DOCK4: variants seen among roughly 807,000 people sequenced by gnomAD.
DOCK4 encodes dedicator of cytokinesis 4.
In DOCK4, 97 loss-of-function variants were observed where a neutral mutation model predicts 268.1. The ratio of observed to expected loss-of-function variants is 0.36; its 90% CI spans 0.31 to 0.43. DOCK4 has a LOEUF of 0.43. Among genes scored for constraint, DOCK4 ranks in the 20% least tolerant of loss-of-function variants. The pLI, the probability that DOCK4 is intolerant of heterozygous loss-of-function variation, is 1.00. For missense variants in DOCK4, 2,145 were observed against 2,455.7 expected (o/e 0.87, Z 2.67); for synonymous variants, 954 against 887.2 (o/e 1.08, Z -1.34).
intron 8 of DOCK4, among the ~76,000 whole-genome samples, chr7:111,975,321 C>T (rs1798082874): frequency 6.6e-6 from 1 of 152,226 alleles, no homozygotes; most frequent in East Asian, 1.9e-4. Flanking sequence ...AAAAGAATAA[C>T]TTCAGTTCTT....
intron 8 of DOCK4, among the ~76,000 whole-genome samples, chr7:111,960,363 TAA>T (rs554540895): frequency 3.0e-5 from 4 of 132,478 alleles, no homozygotes; most frequent in Admixed American, 7.7e-5. Flanking sequence ...GGCTCTGTCT[TAA>T]AAAAAAAAAA....
intron 6 of DOCK4, among the ~76,000 whole-genome samples, chr7:111,984,619 G>C (rs1798906173): frequency 6.6e-6 from 1 of 152,206 alleles, no homozygotes; most frequent in Non-Finnish European, 1.5e-5. Context: ...AGGAGGGATG[G>C]GTTGGCACTC....
chr7:112,101,881 T>C (rs2729564), intron 1 of DOCK4, among the ~76,000 whole-genome samples: 13,444 of 151,256 alleles, frequency 0.089, 970 homozygotes, highest in East Asian at 0.33. Context: ...CTTGCTCTGT[T>C]GCCCAGGCTG....
intron 3 of DOCK4, 38 bp from the exon 4 acceptor site, chr7:111,998,541 T>C: frequency 1.3e-6 from 2 of 1,527,050 alleles, no homozygotes; most frequent in Non-Finnish European, 1.8e-6. Context: ...TGCCGGCTGT[T>C]AAGGCAGGGT....
At chr7:111,869,711 T>G in intron 20 of DOCK4, 56 bp from the exon 21 acceptor site, 1 of 1,469,484 alleles carries the variant, frequency 6.8e-7, no homozygotes, top group Non-Finnish European at 9.5e-7. Context: ...CTCAATTAAA[T>G]GCCAACAAAT....
At chr7:111,885,599 C>T (rs1335555836) in intron 16 of DOCK4, among the ~76,000 whole-genome samples, 3 of 152,168 alleles carry the variant, frequency 2.0e-5, no homozygotes, top group Admixed American at 2.0e-4. Context: ...GGCAATGTGA[C>T]CCCGGCTTCT....
At chr7:111,805,383 A>T (rs1800597750) in intron 30 of DOCK4, among the ~76,000 whole-genome samples, 1 of 152,240 alleles carries the variant, frequency 6.6e-6, no homozygotes, top group Admixed American at 6.5e-5. Flanking sequence ...AACAAAGGTT[A>T]AACTTTCTTA....
Position 112,129,696 on chromosome 7 carries a change from T to G in DOCK4, c.37+76406A>C, listed in dbSNP as rs1813617403. ...GACTCTTGTGAGTCTATAATTATAA[T>G]TATTTCAAATGTAAGTAAAAGAAAA... On this transcript the variant is annotated intron_variant, in intron 1 of 52. Coordinates refer to ENST00000428084, the MANE Select transcript of DOCK4 (RefSeq NM_001363540.2). Among the ~76,000 whole-genome samples, 5 of 152,316 alleles carry G rather than the reference T, an allele frequency of 3.3e-5. No individual in the cohort carries two copies. The South Asian group carries it at 1.0e-3, about 32-fold the overall frequency.
At chr7:111,958,702 G>C (rs566304432) in intron 8 of DOCK4, among the ~76,000 whole-genome samples, 71 of 152,116 alleles carry the variant, frequency 4.7e-4, no homozygotes, top group African/African-American at 1.7e-3. Context: ...TTGGAATTTC[G>C]GGCCACCTAT....
chr7:112,083,606 T>C (rs779973050), intron 1 of DOCK4, among the ~76,000 whole-genome samples: 4 of 152,020 alleles, frequency 2.6e-5, no homozygotes, highest in East Asian at 1.9e-4. Context: ...AAAATAGCTA[T>C]GAAAACAAAG....
intron 50 of DOCK4, among the ~76,000 whole-genome samples, chr7:111,735,905 ACT>A (rs1795441423): frequency 6.6e-6 from 1 of 152,108 alleles, no homozygotes. Context: ...ACATTTTACC[ACT>A]CGACCATTTT....
At chr7:112,109,249 C>T (rs961983201) in intron 1 of DOCK4, among the ~76,000 whole-genome samples, 1 of 152,022 alleles carries the variant, frequency 6.6e-6, no homozygotes, top group African/African-American at 2.4e-5. Context: ...TATTTCCCCA[C>T]GCAAAACAAA....
At chr7:111,943,014 C>T (rs185938959) in intron 10 of DOCK4, among the ~76,000 whole-genome samples, 1 of 152,322 alleles carries the variant, frequency 6.6e-6, no homozygotes, top group East Asian at 1.9e-4. Context: ...GATCTGCCAC[C>T]AATTTCACTC....
chr7:111,935,809 G>A (rs577656373), intron 11 of DOCK4, among the ~76,000 whole-genome samples, 181 bp from the exon 12 acceptor site: 14 of 152,272 alleles, frequency 9.2e-5, no homozygotes, highest in African/African-American at 1.2e-4. Context: ...AAGAATGTCC[G>A]TATCTGGTAA....
At chr7:112,046,344 C>A (rs1316792983) in intron 1 of DOCK4, among the ~76,000 whole-genome samples, 1 of 151,824 alleles carries the variant, frequency 6.6e-6, no homozygotes, top group East Asian at 1.9e-4. Context: ...AAAATTCAGA[C>A]AATTGAAAAA....
At chr7:111,744,925 T>G (rs1796166381) in intron 44 of DOCK4, among the ~76,000 whole-genome samples, 1 of 152,238 alleles carries the variant, frequency 6.6e-6, no homozygotes, top group Admixed American at 6.5e-5. Context: ...ACGACCTCAT[T>G]TTCTAATCCA....
At chr7:112,097,389 T>C (rs259300) in intron 1 of DOCK4, among the ~76,000 whole-genome samples, 59,122 of 151,706 alleles carry the variant, frequency 0.39, 11,720 homozygotes, top group Non-Finnish European at 0.43. Context: ...GACTGAGCAA[T>C]GTAGTGAGAT....
chr7:111,957,437 A>G (rs1163661790), intron 8 of DOCK4, among the ~76,000 whole-genome samples: 1 of 152,202 alleles, frequency 6.6e-6, no homozygotes, highest in East Asian at 1.9e-4. Context: ...AGAAGACTTT[A>G]GAAATCCCAA....
At chr7:111,905,290 G>C (rs1157821034) in intron 13 of DOCK4, among the ~76,000 whole-genome samples, 2 of 152,154 alleles carry the variant, frequency 1.3e-5, no homozygotes, top group Non-Finnish European at 2.9e-5. Flanking sequence ...CGTGTGAAAA[G>C]CTATTTCCCT....
Sources: allele counts gnomAD v4.1 joint callset (sites outside exome capture counted in the v4.1 genomes callset), GRCh38; gene constraint gnomAD v4.1.1; transcripts MANE v1.5; gene names NCBI Gene and HGNC (gene_info 2026-07-23, HGNC 2026-07-21).